The following TCERG1L variants were observed in gnomAD, a reference collection of about 807,000 sequenced individuals.
TCERG1L encodes the protein transcription elongation regulator 1-like protein.
Under a neutral mutation model 56.3 loss-of-function variants are expected in TCERG1L, and 37 were observed. The observed-to-expected ratio is 0.66, with a 90% CI of 0.51 to 0.87. TCERG1L has a LOEUF of 0.87. Ranked by LOEUF, TCERG1L falls within the 40% of genes least tolerant of loss-of-function variation. TCERG1L has a pLI of 0.00. For synonymous variants in TCERG1L, 324 were observed against 326.3 expected (o/e 0.99, Z 0.08); for missense variants, 799 against 774.2 (o/e 1.03, Z -0.38).
rs531888067 is a variant in TCERG1L at position 131,298,605 on chromosome 10, G to C, written c.670+9606C>G. Among the ~76,000 whole-genome samples the C allele has an allele frequency of 1.2e-3, 190 of 152,236 alleles. 1 individual carries two copies. Among genetic ancestry groups the C allele is most frequent in the African/African-American group, 4.3e-3 (179 of 41,544 alleles). ...ATTTTTGTATTTTTAGTAGAGACAGGGTTTTGCCATGTTGGCCAGGCTGGT... is the reference window on the plus strand; with the variant it reads ...ATTTTTGTATTTTTAGTAGAGACAGCGTTTTGCCATGTTGGCCAGGCTGGT... On this transcript the variant is annotated intron_variant, in intron 3 of 11. Transcript: ENST00000368642.
chr10:131,199,845 C>T (rs916591499), intron 4 of TCERG1L, among the ~76,000 whole-genome samples: 23 of 152,210 alleles, frequency 1.5e-4, no homozygotes, highest in African/African-American at 5.5e-4. Context: ...ACCCCTCGTT[C>T]TCTTTCGCCT....
At chr10:131,174,627 C>A (rs2133444033) in intron 4 of TCERG1L, among the ~76,000 whole-genome samples, 1 of 152,316 alleles carries the variant, frequency 6.6e-6, no homozygotes, top group South Asian at 2.1e-4. Context: ...ATATAAACAG[C>A]AAATCATTTC....
At chr10:131,183,665 T>A (rs1374086627) in intron 4 of TCERG1L, among the ~76,000 whole-genome samples, 1 of 152,150 alleles carries the variant, frequency 6.6e-6, no homozygotes, top group East Asian at 1.9e-4. Flanking sequence ...CTCTCTAGAA[T>A]ACCCTACACC....
chr10:131,139,985 G>C (rs913314077), intron 7 of TCERG1L, among the ~76,000 whole-genome samples: 2 of 152,120 alleles, frequency 1.3e-5, no homozygotes, highest in Non-Finnish European at 2.9e-5. Flanking sequence ...TCCTTTCTGT[G>C]AGTGGTGGGG....
At chr10:131,190,238 G>A (rs11595868) in intron 4 of TCERG1L, among the ~76,000 whole-genome samples, 2 of 151,800 alleles carry the variant, frequency 1.3e-5, no homozygotes, top group Admixed American at 6.6e-5. Flanking sequence ...AAATAGAAAC[G>A]CTGAGCACAC....
intron 2 of TCERG1L, 110 bp from the exon 3 acceptor site, chr10:131,308,501 C>A (rs1846839947): frequency 3.4e-6 from 3 of 884,482 alleles, no homozygotes; most frequent in Non-Finnish European, 5.2e-6. Context: ...ATTGAACATT[C>A]TATTATTGGG....
In TCERG1L at chr10:131,271,404, C is replaced by T. The variant is rs184829430; in HGVS notation, c.671-10960G>A. Among the ~76,000 whole-genome samples the T allele has an allele frequency of 3.9e-5, 6 of 152,328 alleles. No homozygotes were observed. In the East Asian group the frequency reaches 5.8e-4, roughly 15 times the overall value. On this transcript the variant is annotated intron_variant, in intron 3 of 11. Transcript: ENST00000368642. ...AGCCAGCCTCAGTCCAGAGGACTTCCGTCTCTCCCTGCACTCTGCAGAGGA... is the reference window on the plus strand; with the variant it reads ...AGCCAGCCTCAGTCCAGAGGACTTCTGTCTCTCCCTGCACTCTGCAGAGGA...
intron 3 of TCERG1L, among the ~76,000 whole-genome samples, chr10:131,292,889 T>C (rs963598718): frequency 3.3e-5 from 5 of 152,058 alleles, no homozygotes; most frequent in Non-Finnish European, 7.4e-5. Context: ...ATCTTGCTGT[T>C]GTCCAGACTG....
intron 7 of TCERG1L, among the ~76,000 whole-genome samples, chr10:131,136,410 G>C (rs968897741): frequency 6.6e-6 from 1 of 152,062 alleles, no homozygotes; most frequent in Admixed American, 6.5e-5. Context: ...GCACTTCTAC[G>C]TCATGTTCTT....
At chr10:131,254,232 G>C (rs1262379559) in intron 4 of TCERG1L, among the ~76,000 whole-genome samples, 4 of 151,708 alleles carry the variant, frequency 2.6e-5, no homozygotes, top group Non-Finnish European at 4.4e-5. Flanking sequence ...GGGTCACACA[G>C]ACAGTGACCC....
At chr10:131,285,070 G>T (rs961552023) in intron 3 of TCERG1L, among the ~76,000 whole-genome samples, 1 of 152,068 alleles carries the variant, frequency 6.6e-6, no homozygotes, top group Non-Finnish European at 1.5e-5. Context: ...CTAAAGCCAG[G>T]TGAGTCTAGT....
chr10:131,300,893 G>T (rs1206407532), intron 3 of TCERG1L, among the ~76,000 whole-genome samples: 1 of 152,070 alleles, frequency 6.6e-6, no homozygotes, highest in South Asian at 2.1e-4. Flanking sequence ...AATTTTGTCA[G>T]TGTATTCAGG....
chr10:131,296,704 G>A (rs1450235738), intron 3 of TCERG1L, among the ~76,000 whole-genome samples: 3 of 152,190 alleles, frequency 2.0e-5, no homozygotes, highest in African/African-American at 7.2e-5. Context: ...AGCTTAATCT[G>A]GGCAGAAGTG....
At chr10:131,220,925 C>T (rs1845724684) in intron 4 of TCERG1L, among the ~76,000 whole-genome samples, 1 of 152,226 alleles carries the variant, frequency 6.6e-6, no homozygotes, top group Non-Finnish European at 1.5e-5. Context: ...CCACCACCAT[C>T]CAGGGGCAAT....
chr10:131,273,312 T>C (rs1400726156), intron 3 of TCERG1L, among the ~76,000 whole-genome samples: 1 of 152,084 alleles, frequency 6.6e-6, no homozygotes, highest in Non-Finnish European at 1.5e-5. Flanking sequence ...GCAGTGTCTT[T>C]TGGGGGCTCG....
intron 4 of TCERG1L, among the ~76,000 whole-genome samples, chr10:131,181,443 C>T (rs981882958): frequency 2.0e-5 from 3 of 152,246 alleles, no homozygotes; most frequent in African/African-American, 4.8e-5. Flanking sequence ...CATCACCTAC[C>T]TTCTCTGAGA....
intron 3 of TCERG1L, among the ~76,000 whole-genome samples, chr10:131,278,489 C>G (rs898250744): frequency 6.6e-6 from 1 of 151,994 alleles, no homozygotes; most frequent in Non-Finnish European, 1.5e-5. Flanking sequence ...AGGTGCCCAC[C>G]ACGATGCCCA....
At chr10:131,198,835 A>C (rs1405092270) in intron 4 of TCERG1L, among the ~76,000 whole-genome samples, 1 of 152,162 alleles carries the variant, frequency 6.6e-6, no homozygotes, top group Non-Finnish European at 1.5e-5. Context: ...GGGGTGGAAG[A>C]AGCTTGTGCC....
chr10:131,191,864 C>CAAAAAAAAAA (rs59816491), intron 4 of TCERG1L, among the ~76,000 whole-genome samples: 385 of 28,370 alleles, frequency 0.014, no homozygotes, highest in Non-Finnish European at 0.018. Flanking sequence ...GACTCCGTCT[C>CAAAAAAAAAA]AAAAAAAAAA....
Sources: allele counts gnomAD v4.1 joint callset (sites outside exome capture counted in the v4.1 genomes callset), GRCh38; gene constraint gnomAD v4.1.1; transcripts MANE v1.5; gene names NCBI Gene and HGNC (gene_info 2026-07-23, HGNC 2026-07-21).